Variants in BMPR1B observed in about 807,000 individuals in gnomAD.
BMPR1B encodes bone morphogenetic protein receptor type 1B.
BMPR1B carries 12 observed loss-of-function variants against 59.1 expected under a neutral mutation model. The observed-to-expected ratio is 0.20, with a 90% CI of 0.13 to 0.33. BMPR1B has a LOEUF of 0.33. Ranked by LOEUF, BMPR1B falls within the 10% of genes least tolerant of loss-of-function variation. The pLI is 1.00. For synonymous variants in BMPR1B, 237 were observed against 207.3 expected (o/e 1.14, Z -1.23); for missense variants, 550 against 610.9 (o/e 0.90, Z 1.05).
At chr4:94,837,112 A>G (rs1162329636) in intron 1 of BMPR1B, among the ~76,000 whole-genome samples, 23 of 144,360 alleles carry the variant, frequency 1.6e-4, no homozygotes, top group African/African-American at 4.1e-4. Flanking sequence ...TGTTCCATTG[A>G]TCTATATCTC....
At chr4:95,015,851 C>A (rs1269128037) in intron 3 of BMPR1B, among the ~76,000 whole-genome samples, 1 of 152,188 alleles carries the variant, frequency 6.6e-6, no homozygotes, top group Admixed American at 6.5e-5. Flanking sequence ...TGCCACCACG[C>A]CCAGCTCATT....
At chr4:95,050,506 G>A (rs72671285) in intron 3 of BMPR1B, among the ~76,000 whole-genome samples, 1,904 of 152,262 alleles carry the variant, frequency 0.013, 29 homozygotes, top group Admixed American at 0.021. Flanking sequence ...CTAAGCTAGA[G>A]GGTAGATTTG....
intron 1 of BMPR1B, among the ~76,000 whole-genome samples, chr4:94,874,630 AG>A (rs1726643236): frequency 6.6e-6 from 1 of 152,198 alleles, no homozygotes; most frequent in Non-Finnish European, 1.5e-5. Flanking sequence ...TCTATTTTTT[AG>A]TAAGTAAACT....
In BMPR1B at chr4:95,155,314, C is replaced by T. The variant is rs17023107; in HGVS notation, c.*641C>T. The T allele has an allele frequency of 0.11, 16,277 of 152,170 alleles. 2,130 individuals carry two copies. Among genetic ancestry groups the T allele is most frequent in the African/African-American group, 0.31 (12,934 of 41,326 alleles). The allele number at this position is 152,170 out of a possible 1,614,324, so 9.4% of individuals were successfully genotyped here. A position where few individuals can be genotyped will look rare whatever the true frequency, so the allele number is the denominator to read the frequency against. Reference sequence around the variant, plus strand: ...TCTAGGACCACATTTGGAATTCCTGCAGGTGGCCTTTTGCAGCTTCAGGCA... The same window carrying T: ...TCTAGGACCACATTTGGAATTCCTGTAGGTGGCCTTTTGCAGCTTCAGGCA... On this transcript the variant is annotated 3_prime_UTR_variant, in exon 13 of 13. Transcript: ENST00000515059.
chr4:94,980,248 A>AT (rs1457081557), intron 2 of BMPR1B, among the ~76,000 whole-genome samples: 1 of 152,196 alleles, frequency 6.6e-6, no homozygotes, highest in Non-Finnish European at 1.5e-5. Flanking sequence ...TGAATTAACT[A>AT]TAGTTTGAAT....
intron 2 of BMPR1B, among the ~76,000 whole-genome samples, chr4:94,970,339 A>G (rs910162272): frequency 1.0e-5 from 1 of 100,274 alleles, no homozygotes; most frequent in African/African-American, 4.0e-5. Flanking sequence ...TCTCTTTCGG[A>G]GTTTCACTCT....
intron 3 of BMPR1B, among the ~76,000 whole-genome samples, chr4:95,013,434 A>G (rs941177149): frequency 2.6e-5 from 4 of 152,154 alleles, no homozygotes; most frequent in Non-Finnish European, 5.9e-5. Context: ...TAGGCCTTAC[A>G]TATGAGACAG....
chr4:95,119,212 G>A (rs772790808), intron 6 of BMPR1B, among the ~76,000 whole-genome samples: 11 of 152,032 alleles, frequency 7.2e-5, no homozygotes, highest in Non-Finnish European at 1.5e-4. Context: ...TAAAATTTTT[G>A]CAAAATCTTT....
chr4:94,869,939 A>G (rs751646008), intron 1 of BMPR1B, among the ~76,000 whole-genome samples: 21 of 152,192 alleles, frequency 1.4e-4, no homozygotes, highest in South Asian at 4.1e-4. Context: ...TAGACTGAAT[A>G]CATTAATAGT....
chr4:95,040,820 A>G (rs887991678), intron 3 of BMPR1B, among the ~76,000 whole-genome samples: 1 of 152,198 alleles, frequency 6.6e-6, no homozygotes, highest in Non-Finnish European at 1.5e-5. Context: ...TGTGAAGAAA[A>G]CAGCTTGTTT....
chr4:94,829,552 A>G (rs1439254386), intron 1 of BMPR1B, among the ~76,000 whole-genome samples: 1 of 152,148 alleles, frequency 6.6e-6, no homozygotes, highest in Non-Finnish European at 1.5e-5. Flanking sequence ...GGCATGAGCC[A>G]TGGCACCTGG....
chr4:95,053,194 G>A (rs181543312), intron 3 of BMPR1B, among the ~76,000 whole-genome samples: 1 of 151,824 alleles, frequency 6.6e-6, no homozygotes, highest in South Asian at 2.1e-4. Flanking sequence ...TTCCAGTGAG[G>A]AAGTTGACAT....
chr4:95,139,738 C>T (rs369019596), intron 10 of BMPR1B, among the ~76,000 whole-genome samples: 15 of 152,260 alleles, frequency 9.9e-5, no homozygotes, highest in South Asian at 4.2e-4. Flanking sequence ...CGGAGCCATG[C>T]GCGGGATATA....
intron 1 of BMPR1B, among the ~76,000 whole-genome samples, chr4:94,869,211 T>C (rs960612548): frequency 3.9e-5 from 6 of 152,158 alleles, no homozygotes; most frequent in Non-Finnish European, 8.8e-5. Flanking sequence ...TTACTCTTTC[T>C]GAAATGTCAA....
intron 1 of BMPR1B, among the ~76,000 whole-genome samples, chr4:94,763,674 A>G (rs538753758): frequency 6.6e-6 from 1 of 152,358 alleles, no homozygotes; most frequent in South Asian, 2.1e-4. Flanking sequence ...TATGAACTTA[A>G]ACAAGTACAG....
intron 1 of BMPR1B, among the ~76,000 whole-genome samples, chr4:94,838,971 A>G (rs1560508768): frequency 7.7e-6 from 1 of 129,106 alleles, no homozygotes; most frequent in Non-Finnish European, 1.7e-5. Flanking sequence ...CTTTGTTCTC[A>G]TTGGTTTCAA....
At chr4:94,902,531 T>C (rs6849640) in intron 2 of BMPR1B, among the ~76,000 whole-genome samples, 27,026 of 151,850 alleles carry the variant, frequency 0.18, 2,531 homozygotes, top group South Asian at 0.22. Context: ...ACATTTTCTT[T>C]CTGACAAAAG....
intron 1 of BMPR1B, among the ~76,000 whole-genome samples, chr4:94,819,979 T>A (rs1012213826): frequency 6.6e-6 from 1 of 152,226 alleles, no homozygotes; most frequent in African/African-American, 2.4e-5. Context: ...ATTTCTCCCC[T>A]GCTTTTTCTT....
At chr4:94,804,396 G>T (rs1472863361) in intron 1 of BMPR1B, among the ~76,000 whole-genome samples, 1 of 151,976 alleles carries the variant, frequency 6.6e-6, no homozygotes, top group Admixed American at 6.6e-5. Flanking sequence ...AGGAAAAGAG[G>T]ATCTGTTAAA....
Sources: gnomAD v4.1 joint callset for allele counts (sites outside exome capture counted in the v4.1 genomes callset) on GRCh38, gnomAD v4.1.1 for gene constraint, MANE v1.5 for transcripts, NCBI Gene and HGNC (gene_info 2026-07-23, HGNC 2026-07-21) for gene names.